LARGE1: variants seen among roughly 807,000 people sequenced by gnomAD.
The protein encoded by LARGE1 is xylosyl- and glucuronyltransferase LARGE1.
A neutral mutation model predicts 87.6 loss-of-function variants in LARGE1; 43 were observed. The observed-to-expected ratio is 0.49, with a 90% CI of 0.38 to 0.63. The LOEUF (loss-of-function observed/expected upper bound fraction) is 0.63. Ranked by LOEUF, LARGE1 falls within the 30% of genes least tolerant of loss-of-function variation. LARGE1 has a pLI of 0.00. For synonymous variants in LARGE1, 434 were observed against 394.6 expected (o/e 1.10, Z -1.18); for missense variants, 802 against 1,000.2 (o/e 0.80, Z 2.67).
intron 11 of LARGE1, among the ~76,000 whole-genome samples, chr22:33,233,700 G>A (rs1382165980): frequency 6.6e-6 from 1 of 152,146 alleles, no homozygotes; most frequent in Admixed American, 6.5e-5. Flanking sequence ...AGACCCTGGA[G>A]ATAATTTTCT....
chr22:33,803,181 G>C (rs141559156), intron 1 of LARGE1, among the ~76,000 whole-genome samples: 2 of 152,078 alleles, frequency 1.3e-5, no homozygotes, highest in African/African-American at 4.8e-5. Context: ...ATTACATTAT[G>C]GAATTGGTAG....
At chr22:33,147,707 T>C in the LARGE1 span, among the ~76,000 whole-genome samples, 2,695 of 152,294 alleles carry the variant, frequency 0.018, 85 homozygotes, top group African/African-American at 0.06. Flanking sequence ...ACAGACCTTA[T>C]TTGGTTTTCG....
At chr22:33,898,155 C>A (rs1333961304) in intron 1 of LARGE1, among the ~76,000 whole-genome samples, 1 of 152,170 alleles carries the variant, frequency 6.6e-6, no homozygotes, top group East Asian at 1.9e-4. Flanking sequence ...AAAGCTTGAG[C>A]CAGGCTTAAA....
At chr22:33,476,634 G>C (rs1268899534) in intron 6 of LARGE1, among the ~76,000 whole-genome samples, 1 of 152,160 alleles carries the variant, frequency 6.6e-6, no homozygotes, top group African/African-American at 2.4e-5. Flanking sequence ...CAGATACTTT[G>C]GGTTCATATG....
chr22:33,293,768 T>C (rs1932899694), intron 12 of LARGE1, among the ~76,000 whole-genome samples: 1 of 152,210 alleles, frequency 6.6e-6, no homozygotes, highest in South Asian at 2.1e-4. Context: ...GGAACATGTG[T>C]ACTGATCCTA....
intron 6 of LARGE1, among the ~76,000 whole-genome samples, chr22:33,531,966 G>A (rs924642007): frequency 2.6e-5 from 4 of 152,352 alleles, no homozygotes; most frequent in Admixed American, 1.3e-4. Context: ...GCAAGGAGGC[G>A]CCTGAAGCCT....
intron 11 of LARGE1, among the ~76,000 whole-genome samples, chr22:33,248,159 C>T (rs1411971293): frequency 6.6e-6 from 1 of 151,936 alleles, no homozygotes; most frequent in Non-Finnish European, 1.5e-5. Context: ...AGAGAGTTTC[C>T]ATACGCCACC....
chr22:33,295,769 C>T (rs2146039465), intron 12 of LARGE1, among the ~76,000 whole-genome samples: 1 of 152,290 alleles, frequency 6.6e-6, no homozygotes, highest in South Asian at 2.1e-4. Context: ...GACAGGGCAG[C>T]CCACAGAGTG....
the LARGE1 span, among the ~76,000 whole-genome samples, chr22:33,100,163 C>G: frequency 6.6e-6 from 1 of 151,692 alleles, no homozygotes; most frequent in Non-Finnish European, 1.5e-5. Flanking sequence ...TGGCAAAACC[C>G]TGTCTCTACT....
chr22:33,323,309 A>C (rs755179075), intron 10 of LARGE1, among the ~76,000 whole-genome samples: 1 of 152,152 alleles, frequency 6.6e-6, no homozygotes, highest in African/African-American at 2.4e-5. Context: ...CCTAATACTA[A>C]CTGGGTACCT....
chr22:33,758,839 G>C (rs996818076), intron 2 of LARGE1, among the ~76,000 whole-genome samples: 2 of 152,132 alleles, frequency 1.3e-5, no homozygotes, highest in Non-Finnish European at 2.9e-5. Flanking sequence ...ATCTCACCCA[G>C]CGTGTTTTAA....
chr22:33,604,128 A>G (rs573518082), intron 5 of LARGE1, among the ~76,000 whole-genome samples: 29 of 152,306 alleles, frequency 1.9e-4, no homozygotes, highest in African/African-American at 6.5e-4. Flanking sequence ...TCACTGGGTA[A>G]TGGAACTCTC....
intron 6 of LARGE1, among the ~76,000 whole-genome samples, chr22:33,503,262 T>G (rs1341655123): frequency 3.1e-4 from 46 of 149,348 alleles, no homozygotes; most frequent in African/African-American, 1.0e-3. Context: ...TTTTTTTGTT[T>G]TTTTTTTTGT....
intron 11 of LARGE1, among the ~76,000 whole-genome samples, chr22:33,231,776 T>C (rs1210491385): frequency 6.6e-6 from 1 of 152,222 alleles, no homozygotes; most frequent in African/African-American, 2.4e-5. Context: ...TCCTGGCTCC[T>C]CTCTAGCACT....
At chr22:33,672,551 A>T (rs1215036733) in intron 2 of LARGE1, among the ~76,000 whole-genome samples, 1 of 152,170 alleles carries the variant, frequency 6.6e-6, no homozygotes, top group African/African-American at 2.4e-5. Context: ...CTAGGAGAGG[A>T]CTTGATACTG....
intron 11 of LARGE1, among the ~76,000 whole-genome samples, chr22:33,213,344 A>G (rs1378454538): frequency 1.3e-5 from 2 of 152,236 alleles, no homozygotes; most frequent in Non-Finnish European, 2.9e-5. Flanking sequence ...ACAACGAGGT[A>G]TTTAGAATAT....
intron 7 of LARGE1, among the ~76,000 whole-genome samples, chr22:33,418,470 T>C (rs1052061497): frequency 2.0e-5 from 3 of 152,128 alleles, no homozygotes; most frequent in Admixed American, 2.0e-4. Context: ...AAACATATTT[T>C]ATAACATGGA....
intron 1 of LARGE1, among the ~76,000 whole-genome samples, chr22:33,813,175 G>A (rs1601678144): frequency 6.6e-6 from 1 of 151,096 alleles, no homozygotes; most frequent in East Asian, 2.0e-4. Flanking sequence ...GGCCAACATG[G>A]CAAAATCCCG....
intron 1 of LARGE1, among the ~76,000 whole-genome samples, chr22:33,835,623 C>G (rs80073626): frequency 1.3e-5 from 2 of 152,206 alleles, no homozygotes; most frequent in Non-Finnish European, 2.9e-5. Flanking sequence ...GCACTAACTG[C>G]GGCCTATTTG....
Sources: allele counts gnomAD v4.1 joint callset (sites outside exome capture counted in the v4.1 genomes callset), GRCh38; gene constraint gnomAD v4.1.1; transcripts MANE v1.5; gene names NCBI Gene and HGNC (gene_info 2026-07-23, HGNC 2026-07-21).